Variants in SLIT2 observed in about 807,000 individuals in gnomAD.
The protein encoded by SLIT2 is slit homolog 2 protein.
A neutral mutation model predicts 185.7 loss-of-function variants in SLIT2; 41 were observed. The ratio of observed to expected loss-of-function variants is 0.22; its 90% CI spans 0.17 to 0.29. The LOEUF is 0.29. Ranked by LOEUF, SLIT2 falls within the 10% of genes least tolerant of loss-of-function variation. The probability of loss-of-function intolerance (pLI) is 1.00; values close to 1 mark genes in which losing one functional copy is unlikely to be tolerated. For synonymous variants in SLIT2, 693 were observed against 680.2 expected (o/e 1.02, Z -0.29); for missense variants, 1,571 against 1,909.0 (o/e 0.82, Z 3.30).
intron 4 of SLIT2, among the ~76,000 whole-genome samples, chr4:20,291,467 TATATATATATATATATATATATATA>T (rs1403729987): frequency 1.1e-3 from 21 of 18,830 alleles, no homozygotes; most frequent in African/African-American, 4.3e-3. Context: ...TATATATATA[TATATATATATATATATATATATATA>T]TTTTTTTTTT....
chr4:20,304,342 G>A (rs1717338605), intron 4 of SLIT2, among the ~76,000 whole-genome samples: 1 of 152,134 alleles, frequency 6.6e-6, no homozygotes, highest in Non-Finnish European at 1.5e-5. Flanking sequence ...ATAAGGCAGT[G>A]GAAATAGGTA....
chr4:20,441,498 C>T (rs1343863628), intron 4 of SLIT2, among the ~76,000 whole-genome samples: 1 of 147,172 alleles, frequency 6.8e-6, no homozygotes, highest in Non-Finnish European at 1.5e-5. Flanking sequence ...CTCTCTCTCT[C>T]TCTCGCCCCC....
intron 4 of SLIT2, among the ~76,000 whole-genome samples, chr4:20,275,136 A>T (rs902551102): frequency 2.6e-5 from 4 of 152,168 alleles, no homozygotes; most frequent in African/African-American, 9.6e-5. Flanking sequence ...TTACATAAAC[A>T]TTATTTCTAG....
chr4:20,412,598 A>T (rs574541205), intron 4 of SLIT2, among the ~76,000 whole-genome samples: 3 of 152,216 alleles, frequency 2.0e-5, no homozygotes, highest in African/African-American at 7.2e-5. Context: ...TTTATTTCAG[A>T]TATCTGAGGC....
chr4:20,557,664 T>A (rs1228997267), intron 26 of SLIT2, among the ~76,000 whole-genome samples: 1 of 152,044 alleles, frequency 6.6e-6, no homozygotes, highest in African/African-American at 2.4e-5. Flanking sequence ...GATAAAGGAA[T>A]AATTTTGATT....
intron 4 of SLIT2, among the ~76,000 whole-genome samples, chr4:20,453,085 A>G (rs1577684798): frequency 6.6e-6 from 1 of 152,226 alleles, no homozygotes; most frequent in Non-Finnish European, 1.5e-5. Flanking sequence ...CATTTTGTGG[A>G]AAGATTAGCT....
intron 4 of SLIT2, among the ~76,000 whole-genome samples, chr4:20,334,151 G>C (rs1298664222): frequency 6.6e-6 from 1 of 152,132 alleles, no homozygotes; most frequent in Non-Finnish European, 1.5e-5. Flanking sequence ...TCCCTCGCTA[G>C]AGAAATTAAA....
In SLIT2 at chr4:20,491,773, T is replaced by C; in HGVS notation, c.788T>C (p.Phe263Ser). ...ATTTCTTTTTTAGGTCACCAGTCAT[T>C]TATGGCTCCTTCTTGTAGTGTTTTG... ...REFVCSGHQS[F>S]MAPSCSVLHC... Residue 263 changes from phenylalanine to serine, a missense_variant, in exon 9 of 37, where the codon TTT (phenylalanine) becomes TCT (serine). Around this residue, in one of 3 missense-constraint regions of SLIT2, gnomAD observed 1,202 missense variants for 1,416.4 expected, o/e 0.85. Coordinates refer to ENST00000504154, the MANE Select transcript of SLIT2 (RefSeq NM_004787.4). 6.2e-7 allele frequency: 1 copy of C among 1,611,822 alleles called. No homozygotes were observed. Among genetic ancestry groups the C allele is most frequent in the Non-Finnish European group, 8.5e-7 (1 of 1,179,060 alleles).
intron 4 of SLIT2, among the ~76,000 whole-genome samples, chr4:20,390,967 T>C (rs183785348): frequency 3.4e-4 from 52 of 152,072 alleles, no homozygotes; most frequent in African/African-American, 1.1e-3. Flanking sequence ...TCTGAATGCA[T>C]AATCTTACAT....
At chr4:20,469,296 A>ACAGTAG (rs1373975968) in intron 5 of SLIT2, among the ~76,000 whole-genome samples, 3 of 152,148 alleles carry the variant, frequency 2.0e-5, no homozygotes, top group African/African-American at 7.2e-5. Context: ...TTGCAGTCTT[A>ACAGTAG]CAGTAGTATT....
At chr4:20,410,980 A>T (rs927356041) in intron 4 of SLIT2, among the ~76,000 whole-genome samples, 3 of 152,178 alleles carry the variant, frequency 2.0e-5, no homozygotes, top group African/African-American at 4.8e-5. Context: ...TAGGAATAGC[A>T]TTAAATTTAT....
chr4:20,590,803 A>T (rs1727457001), intron 30 of SLIT2, among the ~76,000 whole-genome samples: 1 of 152,230 alleles, frequency 6.6e-6, no homozygotes, highest in Non-Finnish European at 1.5e-5. Flanking sequence ...CTTCATTTAA[A>T]CATGAGGAAA....
chr4:20,589,339 G>A (rs544513674), intron 29 of SLIT2, among the ~76,000 whole-genome samples: 2 of 152,170 alleles, frequency 1.3e-5, no homozygotes, highest in South Asian at 2.1e-4. Flanking sequence ...AATAAACAAC[G>A]CCATTGAAAA....
chr4:20,463,511 A>AGATGTGTG (rs1713996420), intron 4 of SLIT2, among the ~76,000 whole-genome samples: 1 of 84,196 alleles, frequency 1.2e-5, no homozygotes, highest in Non-Finnish European at 2.5e-5. Context: ...GCGTATATCC[A>AGATGTGTG]TATATGTGTG....
At chr4:20,262,737 A>G (rs745316759) in intron 3 of SLIT2, among the ~76,000 whole-genome samples, 5 of 151,862 alleles carry the variant, frequency 3.3e-5, no homozygotes, top group African/African-American at 9.7e-5. Flanking sequence ...AATGATGTTC[A>G]CCTATTCGTA....
chr4:20,501,854 T>C (rs751695810), intron 9 of SLIT2, among the ~76,000 whole-genome samples: 1 of 152,184 alleles, frequency 6.6e-6, no homozygotes, highest in Non-Finnish European at 1.5e-5. Flanking sequence ...GAAAGAATTA[T>C]ACTATTGAAA....
At chr4:20,493,554 G>T (rs1717972612) in intron 9 of SLIT2, among the ~76,000 whole-genome samples, 1 of 152,122 alleles carries the variant, frequency 6.6e-6, no homozygotes, top group Non-Finnish European at 1.5e-5. Flanking sequence ...TCAAGTTCAA[G>T]GTCTTACAAA....
intron 24 of SLIT2, among the ~76,000 whole-genome samples, chr4:20,549,493 T>G (rs532153483): frequency 3.8e-4 from 58 of 152,166 alleles, no homozygotes; most frequent in African/African-American, 1.3e-3. Context: ...ACATTTTTAC[T>G]GTGAAATGTC....
At chr4:20,575,460 G>T (rs1286030105) in intron 29 of SLIT2, among the ~76,000 whole-genome samples, 1 of 152,044 alleles carries the variant, frequency 6.6e-6, no homozygotes, top group Non-Finnish European at 1.5e-5. Flanking sequence ...CACAAAGGTG[G>T]GAAAAAACTT....
Sources: allele counts gnomAD v4.1 joint callset (sites outside exome capture counted in the v4.1 genomes callset), GRCh38; gene constraint gnomAD v4.1.1; regional missense constraint gnomAD v4.1.1; transcripts MANE v1.5; gene names NCBI Gene and HGNC (gene_info 2026-07-23, HGNC 2026-07-21).